The following ROCK1 variants were observed in gnomAD, a reference collection of about 807,000 sequenced individuals.
ROCK1 encodes rho-associated protein kinase 1.
ROCK1 carries 36 observed loss-of-function variants against 196.8 expected under a neutral mutation model. The ratio of observed to expected loss-of-function variants is 0.18; its 90% CI spans 0.14 to 0.24. The LOEUF is 0.24. ROCK1 is among the 10% of genes least tolerant of loss of function. ROCK1 has a pLI of 1.00. For synonymous variants in ROCK1, 443 were observed against 515.9 expected (o/e 0.86, Z 1.91); for missense variants, 920 against 1,562.0 (o/e 0.59, Z 6.93).
At chr18:21,102,380 T>G (rs2036666495) in intron 1 of ROCK1, among the ~76,000 whole-genome samples, 1 of 152,232 alleles carries the variant, frequency 6.6e-6, no homozygotes, top group Non-Finnish European at 1.5e-5. Flanking sequence ...ACTCCTATCT[T>G]AGTGTGATAG....
chr18:21,053,735 G>A (rs1024068451), intron 2 of ROCK1, among the ~76,000 whole-genome samples: 5 of 152,154 alleles, frequency 3.3e-5, no homozygotes, highest in Non-Finnish European at 7.3e-5. Context: ...TACTTGGGAG[G>A]CTGAGGCAGA....
intron 16 of ROCK1, among the ~76,000 whole-genome samples, chr18:21,002,199 TGTCATATGCTACAAAAGGAACC>T (rs2035730881): frequency 6.6e-6 from 1 of 152,154 alleles, no homozygotes; most frequent in Non-Finnish European, 1.5e-5. Flanking sequence ...AGACCCCGAA[TGTCATATGCTACAAAAGGAACC>T]GGAGTTCCTA....
intron 9 of ROCK1, among the ~76,000 whole-genome samples, chr18:21,036,275 T>C (rs2036056034): frequency 6.6e-6 from 1 of 152,174 alleles, no homozygotes; most frequent in Non-Finnish European, 1.5e-5. Context: ...CCTAGAATAA[T>C]ATATATGTGT....
At position 20,986,928 on chromosome 18, in the gene ROCK1, A is replaced by T. The variant is rs201560676; in HGVS notation, c.2304+22T>A. 8.3e-4 allele frequency: 1,296 copies of T among 1,564,500 alleles called. 3 individuals carry two copies. The highest frequency in any genetic ancestry group is 9.7e-4 in the Non-Finnish European group (1,126 of 1,158,360). ...CCGTTTCTCTTTTAATAGATGAACAAAGTCAGTACTATTTTTCTTACTTCA... is the reference window on the plus strand; with the variant it reads ...CCGTTTCTCTTTTAATAGATGAACATAGTCAGTACTATTTTTCTTACTTCA... On this transcript the variant is annotated intron_variant, in intron 19 of 32. Coordinates refer to ENST00000399799, the MANE Select transcript of ROCK1 (RefSeq NM_005406.3).
chr18:20,957,277 A>G (rs552565850), intron 29 of ROCK1, among the ~76,000 whole-genome samples: 2 of 152,270 alleles, frequency 1.3e-5, no homozygotes, highest in African/African-American at 4.8e-5. Context: ...AAAATGGATA[A>G]ACAAATTCAT....
chr18:21,026,970 G>A (rs1294826431), intron 10 of ROCK1, among the ~76,000 whole-genome samples: 3 of 140,104 alleles, frequency 2.1e-5, no homozygotes, highest in African/African-American at 8.1e-5. Flanking sequence ...ACAGAGTCTC[G>A]CTCCATTGCC....
intron 9 of ROCK1, among the ~76,000 whole-genome samples, chr18:21,033,943 A>C (rs1264260362): frequency 2.1e-5 from 3 of 144,756 alleles, no homozygotes; most frequent in Non-Finnish European, 4.5e-5. Context: ...CTGAGGCAGG[A>C]GAATGGCATG....
intron 27 of ROCK1, among the ~76,000 whole-genome samples, chr18:20,965,113 A>G (rs2035360272): frequency 6.6e-6 from 1 of 152,230 alleles, no homozygotes; most frequent in African/African-American, 2.4e-5. Flanking sequence ...AAGGTCGGCC[A>G]GGCGGGTGGC....
At chr18:21,083,782 T>C (rs2036502357) in intron 1 of ROCK1, among the ~76,000 whole-genome samples, 1 of 152,236 alleles carries the variant, frequency 6.6e-6, no homozygotes, top group African/African-American at 2.4e-5. Context: ...TCAACTGGTT[T>C]TGCTATCAGT....
chr18:21,083,059 T>G (rs866227835), intron 1 of ROCK1, among the ~76,000 whole-genome samples: 2 of 152,052 alleles, frequency 1.3e-5, no homozygotes, highest in Admixed American at 6.6e-5. Flanking sequence ...CAGTGAATAA[T>G]CCAAACAGAA....
At chr18:20,952,777 C>CA (rs2035202768) in intron 32 of ROCK1, among the ~76,000 whole-genome samples, 1 of 144,622 alleles carries the variant, frequency 6.9e-6, no homozygotes, top group South Asian at 2.2e-4. Context: ...GACTCTGTCT[C>CA]AAAAAACAAA....
intron 16 of ROCK1, among the ~76,000 whole-genome samples, chr18:20,997,990 C>T (rs1478421223): frequency 2.0e-5 from 3 of 151,998 alleles, no homozygotes; most frequent in Non-Finnish European, 1.5e-5. Context: ...GTGCCTGCAA[C>T]CACTCCTGGC....
At chr18:20,969,265 G>A (rs2035403936) in intron 23 of ROCK1, 57 bp from the exon 24 acceptor site, 4 of 1,032,622 alleles carry the variant, frequency 3.9e-6, no homozygotes, top group East Asian at 2.4e-5. Flanking sequence ...TCGTATTTCA[G>A]GCAGTAACCT....
intron 16 of ROCK1, among the ~76,000 whole-genome samples, chr18:21,006,085 G>T (rs1315878990): frequency 6.6e-6 from 1 of 151,984 alleles, no homozygotes; most frequent in Non-Finnish European, 1.5e-5. Flanking sequence ...ACAAAATGTG[G>T]TATACACATA....
At chr18:21,105,637 T>C (rs1229681693) in intron 1 of ROCK1, among the ~76,000 whole-genome samples, 2 of 152,148 alleles carry the variant, frequency 1.3e-5, no homozygotes, top group East Asian at 3.9e-4. Context: ...AACAAAAATT[T>C]CAGTTTAGCG....
chr18:21,098,267 T>C (rs2036628286), intron 1 of ROCK1, among the ~76,000 whole-genome samples: 1 of 152,100 alleles, frequency 6.6e-6, no homozygotes, highest in Admixed American at 6.5e-5. Flanking sequence ...AGGTTAGAAA[T>C]AATCCCAAGT....
chr18:20,996,210 C>CA (rs1323123854), intron 16 of ROCK1, among the ~76,000 whole-genome samples: 1 of 152,004 alleles, frequency 6.6e-6, no homozygotes, highest in Non-Finnish European at 1.5e-5. Flanking sequence ...ATAAATTTAA[C>CA]AAAAAGACTG....
intron 1 of ROCK1, among the ~76,000 whole-genome samples, chr18:21,110,376 C>A (rs1380050069): frequency 6.6e-6 from 1 of 151,982 alleles, no homozygotes; most frequent in Non-Finnish European, 1.5e-5. Context: ...ATTTTCAAGG[C>A]TAAAAACTAA....
chr18:21,001,688 C>G (rs915990629), intron 16 of ROCK1, among the ~76,000 whole-genome samples: 1 of 151,670 alleles, frequency 6.6e-6, no homozygotes, highest in Middle Eastern at 3.2e-3. Flanking sequence ...CCACTTGAAC[C>G]TGGGAGGCAG....
Sources: allele counts gnomAD v4.1 joint callset (sites outside exome capture counted in the v4.1 genomes callset), GRCh38; gene constraint gnomAD v4.1.1; transcripts MANE v1.5; gene names NCBI Gene and HGNC (gene_info 2026-07-23, HGNC 2026-07-21).